The following LRRC4C variants were observed in gnomAD, a reference collection of about 807,000 sequenced individuals.
LRRC4C encodes the protein leucine-rich repeat-containing protein 4C.
LRRC4C carries 5 observed loss-of-function variants against 33.6 expected under a neutral mutation model. That is an observed-to-expected ratio of 0.15 (90% CI 0.08 to 0.31). The LOEUF (loss-of-function observed/expected upper bound fraction) is 0.31, where lower values mean the gene tolerates loss of function less well. Ranked by LOEUF, LRRC4C falls within the 10% of genes least tolerant of loss-of-function variation. The pLI is 1.00. For synonymous variants in LRRC4C, 329 were observed against 302.0 expected, an observed-to-expected ratio of 1.09 and a Z score of -0.93; for missense variants, 560 against 796.7, an observed-to-expected ratio of 0.70 and a Z score of 3.58.
chr11:40,502,729 T>C (rs56359793), intron 3 of LRRC4C, among the ~76,000 whole-genome samples: 9,849 of 152,224 alleles, frequency 0.065, 837 homozygotes, highest in African/African-American at 0.2. Context: ...TCTCTATAAA[T>C]ATGTAGCTCT....
intron 1 of LRRC4C, among the ~76,000 whole-genome samples, chr11:41,124,990 T>C (rs1211512536): frequency 6.6e-6 from 1 of 152,182 alleles, no homozygotes; most frequent in Non-Finnish European, 1.5e-5. Context: ...AGTTATCGGT[T>C]TGAGAGTGAG....
At chr11:40,727,156 T>C (rs142974189) in intron 2 of LRRC4C, among the ~76,000 whole-genome samples, 217 of 152,222 alleles carry the variant, frequency 1.4e-3, no homozygotes, top group Middle Eastern at 0.01. Flanking sequence ...ACATTTACCA[T>C]ACTTCAAACA....
intron 1 of LRRC4C, among the ~76,000 whole-genome samples, chr11:41,053,738 GAAGTAATTTAAAAATC>G (rs1292459093): frequency 6.6e-6 from 1 of 152,120 alleles, no homozygotes; most frequent in Non-Finnish European, 1.5e-5. Flanking sequence ...AACTCATGTT[GAAGTAATTTAAAAATC>G]ATTGTTGAGA....
In LRRC4C at chr11:40,827,405, T is replaced by C. The variant is rs117250101; in HGVS notation, c.-407+106230A>G. Among the ~76,000 whole-genome samples the C allele has an allele frequency of 8.6e-5, 13 of 151,872 alleles. 1 individual carries two copies. The East Asian group carries it at 2.5e-3, about 29-fold the overall frequency. On this transcript the variant is annotated intron_variant, in intron 2 of 6. Transcript: ENST00000528697. ...ATTTGTGAAAATCATACATAGTCAA[T>C]CTCTTAAATAGCAGGAGACTAAAAA...
chr11:40,491,468 T>A (rs770998716), intron 3 of LRRC4C, among the ~76,000 whole-genome samples: 6 of 152,168 alleles, frequency 3.9e-5, no homozygotes, highest in Non-Finnish European at 7.3e-5. Context: ...AGGTGTTGGC[T>A]AGGGATGCAA....
At chr11:41,110,960 C>T (rs769437593) in intron 1 of LRRC4C, among the ~76,000 whole-genome samples, 4 of 151,270 alleles carry the variant, frequency 2.6e-5, no homozygotes, top group Non-Finnish European at 4.4e-5. Flanking sequence ...TTCAATATGT[C>T]TGAGTTGTAA....
intron 4 of LRRC4C, among the ~76,000 whole-genome samples, chr11:40,316,196 G>A (rs1392805624): frequency 2.0e-5 from 3 of 151,896 alleles, no homozygotes; most frequent in Admixed American, 6.6e-5. Flanking sequence ...TGTCTCACTT[G>A]AAATTATGTA....
chr11:40,122,088 T>C (rs1855867724), intron 6 of LRRC4C, among the ~76,000 whole-genome samples: 1 of 152,188 alleles, frequency 6.6e-6, no homozygotes, highest in African/African-American at 2.4e-5. Flanking sequence ...CAGTCTTTCA[T>C]GGAAAATTCA....
At chr11:41,404,464 G>A (rs1293923898) in intron 1 of LRRC4C, among the ~76,000 whole-genome samples, 5 of 145,806 alleles carry the variant, frequency 3.4e-5, no homozygotes, top group African/African-American at 1.3e-4. Flanking sequence ...ACAACCCCAG[G>A]GCTATGTGTG....
intron 1 of LRRC4C, among the ~76,000 whole-genome samples, chr11:41,158,490 CA>C (rs1049338092): frequency 6.6e-6 from 1 of 152,086 alleles, no homozygotes; most frequent in African/African-American, 2.4e-5. Flanking sequence ...TCACGGGTTA[CA>C]TAATCAGGCA....
At chr11:41,442,233 G>A (rs1955642688) in intron 1 of LRRC4C, among the ~76,000 whole-genome samples, 1 of 151,828 alleles carries the variant, frequency 6.6e-6, no homozygotes, top group Admixed American at 6.6e-5. Flanking sequence ...CAGGATCCAA[G>A]TAAATAAAAA....
At chr11:40,127,781 A>T in intron 6 of LRRC4C, among the ~76,000 whole-genome samples, 1 of 152,204 alleles carries the variant, frequency 6.6e-6, no homozygotes, top group East Asian at 1.9e-4. Flanking sequence ...AGCATGAAAT[A>T]CCAATGAAGA....
At chr11:40,386,914 T>C (rs768807314) in intron 3 of LRRC4C, among the ~76,000 whole-genome samples, 5 of 152,168 alleles carry the variant, frequency 3.3e-5, no homozygotes, top group African/African-American at 7.2e-5. Flanking sequence ...CTAAGTTCTA[T>C]TGCAATCAAT....
intron 3 of LRRC4C, among the ~76,000 whole-genome samples, chr11:40,585,368 G>A (rs925925682): frequency 8.5e-5 from 13 of 152,078 alleles, no homozygotes; most frequent in African/African-American, 3.1e-4. Flanking sequence ...ACATCCAGCA[G>A]CAGAACAGGG....
intron 2 of LRRC4C, among the ~76,000 whole-genome samples, chr11:40,841,094 G>A (rs545763474): frequency 6.6e-6 from 1 of 152,260 alleles, no homozygotes; most frequent in Admixed American, 6.5e-5. Context: ...AATATCCACT[G>A]CATCTGCCAT....
intron 1 of LRRC4C, among the ~76,000 whole-genome samples, chr11:40,956,635 C>T (rs565115951): frequency 1.1e-4 from 16 of 151,776 alleles, no homozygotes; most frequent in African/African-American, 3.9e-4. Flanking sequence ...TAGATTAATA[C>T]ACTTCTTCCC....
chr11:40,817,320 T>C (rs1376760984), intron 2 of LRRC4C, among the ~76,000 whole-genome samples: 2 of 152,164 alleles, frequency 1.3e-5, no homozygotes, highest in East Asian at 3.8e-4. Flanking sequence ...AGAGACTTTC[T>C]GAGACCATGA....
At chr11:40,670,651 A>G (rs1344572381) in intron 2 of LRRC4C, among the ~76,000 whole-genome samples, 4 of 152,204 alleles carry the variant, frequency 2.6e-5, no homozygotes, top group Non-Finnish European at 5.9e-5. Flanking sequence ...TAGGGAAAAA[A>G]GGGTACATAC....
At chr11:40,565,844 G>A (rs1464541102) in intron 3 of LRRC4C, among the ~76,000 whole-genome samples, 2 of 151,876 alleles carry the variant, frequency 1.3e-5, no homozygotes, top group Admixed American at 6.6e-5. Context: ...AAGCTTTTTG[G>A]CCATGGAGGA....
Sources: gnomAD v4.1 joint callset for allele counts (sites outside exome capture counted in the v4.1 genomes callset) on GRCh38, gnomAD v4.1.1 for gene constraint, MANE v1.5 for transcripts, NCBI Gene and HGNC (gene_info 2026-07-23, HGNC 2026-07-21) for gene names.